Variants in NCOR2 observed in about 807,000 individuals in gnomAD.
The protein encoded by NCOR2 is CTG repeat protein 26.
NCOR2 carries 81 observed loss-of-function variants against 262.9 expected under a neutral mutation model. The ratio of observed to expected loss-of-function variants is 0.31; its 90% CI spans 0.26 to 0.37. The LOEUF (loss-of-function observed/expected upper bound fraction) is 0.37, where lower values mean the gene tolerates loss of function less well. Ranked by LOEUF, NCOR2 falls within the 10% of genes least tolerant of loss-of-function variation. The probability of loss-of-function intolerance (pLI) is 1.00; values close to 1 mark genes in which losing one functional copy is unlikely to be tolerated. For synonymous variants in NCOR2, 1,659 were observed against 1,559.3 expected, an observed-to-expected ratio of 1.06 and a Z score of -1.51; for missense variants, 3,385 against 3,621.4, an observed-to-expected ratio of 0.93 and a Z score of 1.68.
rs188775671 is a variant in NCOR2, at chr12:124,482,525, G to C, written c.411+1071C>G. On this transcript the variant is annotated intron_variant, in intron 3 of 46. Coordinates refer to ENST00000405201, the Ensembl canonical transcript of NCOR2. This position sits in a 1 kb window ranked among gnomAD's most constrained non-coding sequence, Gnocchi z 6.3. ...GGTGCCAAATAGTTCCCACGCATGGGGCCCACAGCCGAGCCCTCTACCCAC... is the reference window on the plus strand; with the variant it reads ...GGTGCCAAATAGTTCCCACGCATGGCGCCCACAGCCGAGCCCTCTACCCAC... Among the ~76,000 whole-genome samples the C allele has an allele frequency of 1.3e-5, 2 of 152,170 alleles. No individual in the cohort carries two copies. The highest frequency in any genetic ancestry group is 4.8e-5 in the African/African-American group (2 of 41,442).
intron 10 of NCOR2, among the ~76,000 whole-genome samples, chr12:124,428,090 C>CGTGTGTGTGTGTGTGTGTGTGTGTGT (rs1412280487): frequency 2.3e-4 from 32 of 138,158 alleles, no homozygotes; most frequent in East Asian, 4.4e-4. Context: ...TGTGTGTGTA[C>CGTGTGTGTGTGTGTGTGTGTGTGTGT]ATGCAACAAT....
intron 43 of NCOR2, chr12:124,331,720 T>C (rs117877142): frequency 0.028 from 4,427 of 158,388 alleles, 117 homozygotes; most frequent in South Asian, 0.12. Context: ...GCTGGGCCTA[T>C]AGGCATGAGC....
chr12:124,390,039 C>T (rs1270499972), intron 16 of NCOR2, among the ~76,000 whole-genome samples: 1 of 152,180 alleles, frequency 6.6e-6, no homozygotes, highest in African/African-American at 2.4e-5. Flanking sequence ...GAGCAGAAGG[C>T]GTCTCTGGAA....
chr12:124,414,786 G>A (rs1470562104), intron 13 of NCOR2, among the ~76,000 whole-genome samples: 1 of 152,202 alleles, frequency 6.6e-6, no homozygotes, highest in Non-Finnish European at 1.5e-5. Context: ...TTCCCGTGGT[G>A]CCTGGGGAGG....
In NCOR2 at chr12:124,483,719, C is replaced by A; in HGVS notation, c.288G>T (p.Gly96=). Residue 96 remains glycine (G), a synonymous_variant, in exon 3 of 47, where the codon GGG becomes GGT. Transcript: ENST00000405201. This position sits in a 1 kb window ranked among gnomAD's most constrained non-coding sequence, Gnocchi z 6.3. ...TTTCAATGAACTCCATCTCTGACTT[C>A]CCCAGCTCGGGCAGGTATGAGTGGG... The A allele has an allele frequency of 1.2e-6, 2 of 1,611,448 alleles. No homozygotes were observed. The highest frequency in any genetic ancestry group is 2.7e-5 in the African/African-American group (2 of 75,016).
chr12:124,386,032 G>A, intron 16 of NCOR2, 145 bp from the exon 19 acceptor site: 2 of 1,033,980 alleles, frequency 1.9e-6, no homozygotes, highest in Non-Finnish European at 2.7e-6. Flanking sequence ...TGGAAGAAGA[G>A]ACAGTGATGG....
chr12:124,327,284 G>T, intron 45 of NCOR2, 125 bp downstream of exon 47: 3 of 784,060 alleles, frequency 3.8e-6, no homozygotes, highest in Non-Finnish European at 6.0e-6. Flanking sequence ...GGTCAAACAC[G>T]CACAAAAATA....
At chr12:124,448,735 C>A (rs1001062782) in intron 7 of NCOR2, among the ~76,000 whole-genome samples, 1 of 152,222 alleles carries the variant, frequency 6.6e-6, no homozygotes, top group African/African-American at 2.4e-5. Context: ...ACTAGTCCAG[C>A]ACCAGCAGAT....
upstream of NCOR2, among the ~76,000 whole-genome samples, chr12:124,496,362 G>C (rs1278969762): frequency 6.6e-6 from 1 of 151,828 alleles, no homozygotes; most frequent in South Asian, 2.1e-4. This position sits in a 1 kb window ranked among gnomAD's most constrained non-coding sequence, Gnocchi z 4.4. Context: ...CCTCAGAAAA[G>C]GTGTGTCCAT....
At position 124,430,799 on chromosome 12, in the gene NCOR2, C is replaced by T; in HGVS notation, c.883-12G>A. On this transcript the variant is annotated splice_polypyrimidine_tract_variant and intron_variant, in intron 8 of 46. Transcript: ENST00000405201. Reference sequence around the variant, plus strand: ...CAGAACTTCTGCTCCTGGGAGAGCGCAGGGGGCACTGCGGAAGATGCTCCT... The same window carrying T: ...CAGAACTTCTGCTCCTGGGAGAGCGTAGGGGGCACTGCGGAAGATGCTCCT... 1 of 1,596,720 alleles carries T rather than the reference C, an allele frequency of 6.3e-7. No individual in the cohort carries two copies. Among genetic ancestry groups the T allele is most frequent in the Non-Finnish European group, 8.6e-7 (1 of 1,169,448 alleles).
chr12:124,558,106 T>C (rs2051943136), intron 1 of NCOR2, among the ~76,000 whole-genome samples: 1 of 151,554 alleles, frequency 6.6e-6, no homozygotes, highest in South Asian at 2.1e-4. Context: ...CTGGGGCCCA[T>C]GCTCCCTGAT....
At chr12:124,486,268 C>T (rs2136824207) in intron 2 of NCOR2, 173 bp downstream of exon 4, 6 of 1,013,714 alleles carry the variant, frequency 5.9e-6, no homozygotes, top group Non-Finnish European at 6.9e-6. Context: ...CTTCCCTGCT[C>T]GTCCCATCCT....
At chr12:124,510,568 T>C (rs949309616) in intron 1 of NCOR2, among the ~76,000 whole-genome samples, 1 of 152,230 alleles carries the variant, frequency 6.6e-6, no homozygotes, top group Non-Finnish European at 1.5e-5. Flanking sequence ...GGGCACAGCC[T>C]GGATGCAAAC....
At chr12:124,370,886 C>T (rs2039448407) in intron 20 of NCOR2, among the ~76,000 whole-genome samples, 1 of 152,174 alleles carries the variant, frequency 6.6e-6, no homozygotes, top group East Asian at 1.9e-4. Flanking sequence ...GGAACCTCTG[C>T]ACCTGTGATC....
At chr12:124,344,763 G>A in exon 32 of NCOR2, 1 of 1,549,394 alleles carries the variant, frequency 6.5e-7, no homozygotes, top group Non-Finnish European at 8.7e-7. Context: ...CCCCCGAGCT[G>A]CTGGCGGTCC....
chr12:124,332,503 G>A lies in NCOR2; in HGVS notation c.6756-36C>T, dbSNP rs758984982. 9.9e-6 allele frequency: 16 copies of A among 1,613,210 alleles called. 1 individual carries two copies. In the Admixed American group the frequency reaches 2.5e-4, roughly 25 times the overall value. ...CAAACACCTCACATCAGCTCACTTG[G>A]TGCCGAGCTTGCATGCCTTTGATGA... On this transcript the variant is annotated intron_variant, in intron 42 of 46. Transcript: ENST00000405201.
At position 124,566,945 on chromosome 12, in the gene NCOR2, C is replaced by T. The variant is rs1210701403; in HGVS notation, c.-165+363G>A. Among the ~76,000 whole-genome samples the T allele has an allele frequency of 6.6e-6, 1 of 152,184 alleles. No homozygotes were observed. Among genetic ancestry groups the T allele is most frequent in the Non-Finnish European group, 1.5e-5 (1 of 68,016 alleles). On this transcript the variant is annotated intron_variant, in intron 1 of 32. Coordinates refer to the NCOR2 transcript ENST00000458234. This position sits in a 1 kb window ranked among gnomAD's most constrained non-coding sequence, Gnocchi z 4.3. ...AGGCGCAGTGTCGCCCCGCCAGGTC[C>T]GGGGCTACACCGGGTACAAGGGACG...
At position 124,486,432 on chromosome 12, in the gene NCOR2, T is replaced by C; in HGVS notation, c.233+9A>G. The C allele has an allele frequency of 6.2e-7, 1 of 1,612,368 alleles. No individual in the cohort carries two copies. On this transcript the variant is annotated intron_variant, in intron 2 of 46. Coordinates refer to ENST00000405201, the Ensembl canonical transcript of NCOR2. ...GCCCTGGACAGGGAGGCAGCAACTC[T>C]CTCCTCACCGTTCATTCCCGGGCTG... is the stretch of plus-strand genomic sequence containing the variant.
chr12:124,552,671 T>C (rs1325535893), intron 1 of NCOR2, among the ~76,000 whole-genome samples: 1 of 151,952 alleles, frequency 6.6e-6, no homozygotes, highest in Non-Finnish European at 1.5e-5. Flanking sequence ...ACAGCACAAG[T>C]TTTTTCGGGG....
Sources: gnomAD v4.1 joint callset for allele counts (sites outside exome capture counted in the v4.1 genomes callset) on GRCh38, gnomAD v4.1.1 for gene constraint, Gnocchi (gnomAD v3.1) non-coding constraint, MANE v1.5 for transcripts, NCBI Gene and HGNC (gene_info 2026-07-23, HGNC 2026-07-21) for gene names.